Variants in ATRX observed in about 807,000 individuals in gnomAD.
ATRX encodes chromatin remodeler ATRX.
Under a neutral mutation model 172.6 loss-of-function variants are expected in ATRX, and 12 were observed. The ratio of observed to expected loss-of-function variants is 0.07; its 90% CI spans 0.04 to 0.11. ATRX has a LOEUF of 0.11. Ranked by LOEUF, ATRX falls within the 10% of genes least tolerant of loss-of-function variation. ATRX has a pLI of 1.00. For missense variants in ATRX, 1,368 were observed against 1,767.4 expected (o/e 0.77, Z 4.05); for synonymous variants, 674 against 594.7 (o/e 1.13, Z -1.94).
At chrX:77,779,236 C>A (rs2076485089) in intron 1 of ATRX, among the ~76,000 whole-genome samples, 1 of 107,832 alleles carries the variant, frequency 9.3e-6, no homozygotes, top group African/African-American at 3.4e-5. Context: ...AGCCACGGCG[C>A]CCGGCTCAAA....
intron 1 of ATRX, among the ~76,000 whole-genome samples, chrX:77,755,256 C>T (rs2075447021): frequency 8.9e-6 from 1 of 112,240 alleles, no homozygotes; most frequent in Admixed American, 9.4e-5. Context: ...AGTTCCTTGG[C>T]TTCCTTCCAT....
At chrX:77,726,211 C>T (rs1400910300) in intron 1 of ATRX, among the ~76,000 whole-genome samples, 2 of 110,605 alleles carry the variant, frequency 1.8e-5, no homozygotes, top group Non-Finnish European at 3.8e-5. Flanking sequence ...TAGCAAAGAC[C>T]TGGAACCAAC....
intron 31 of ATRX, among the ~76,000 whole-genome samples, chrX:77,522,717 AAG>A (rs2063270614): frequency 8.9e-6 from 1 of 111,987 alleles, no homozygotes; most frequent in African/African-American, 3.2e-5. Context: ...GTATTAGGAT[AAG>A]GTTTCCCATG....
In ATRX at chrX:77,644,521, A is replaced by G. The variant is rs140285174; in HGVS notation, c.4557+7593T>C. Among the ~76,000 whole-genome samples the G allele has an allele frequency of 2.5e-3, 276 of 111,721 alleles. 2 individuals are homozygous for G. The highest frequency in any genetic ancestry group is 8.5e-3 in the African/African-American group (262 of 30,762). On this transcript the variant is annotated intron_variant, in intron 15 of 34. Coordinates refer to ENST00000373344, the MANE Select transcript of ATRX (RefSeq NM_000489.6). Reference sequence around the variant, plus strand: ...TGGGTGCAGCAAACCAACATGGCACATGTATACCTATGTAACAAACCTGCA... The same window carrying G: ...TGGGTGCAGCAAACCAACATGGCACGTGTATACCTATGTAACAAACCTGCA...
rs782009496 is a variant in ATRX at position 77,633,196 on chromosome X, T to TATA, written c.5134+10_5134+11insTAT. The TATA allele has an allele frequency of 3.3e-6, 4 of 1,203,816 alleles. No individual in the cohort carries two copies. Among genetic ancestry groups the TATA allele is most frequent in the Non-Finnish European group, 4.5e-6 (4 of 888,119 alleles). On this transcript the variant is annotated intron_variant, in intron 19 of 34. Transcript: ENST00000373344. ...CTTGCTTCTTTATGTCACTGTCTAT[T>TATA]AATACCTTACCTGGATCAACCAAAG...
In ATRX at chrX:77,620,173, A is replaced by G. The variant is rs782175387; in HGVS notation, c.5272+222T>C. 3.6e-5 allele frequency among the ~76,000 whole-genome samples: 4 copies of G among 112,349 alleles called. No individual in the cohort carries two copies. The South Asian group carries it at 1.5e-3, about 41-fold the overall frequency. On this transcript the variant is annotated intron_variant, in intron 20 of 34. Transcript: ENST00000373344. ...ATTCACATTCCATATTTATATATGA[A>G]CATTCACAATAGCGTATCTCTTAAC... is the stretch of plus-strand genomic sequence containing the variant.
chrX:77,746,861 G>A (rs782128154), intron 1 of ATRX, among the ~76,000 whole-genome samples: 33 of 110,987 alleles, frequency 3.0e-4, no homozygotes, highest in African/African-American at 9.2e-4. Flanking sequence ...TTGCAGTGGC[G>A]CGATCTCGGC....
intron 30 of ATRX, among the ~76,000 whole-genome samples, chrX:77,546,189 G>A (rs917463771): frequency 2.7e-5 from 3 of 110,719 alleles, no homozygotes; most frequent in Admixed American, 9.7e-5. Flanking sequence ...TTCAAGCCCC[G>A]GTGCCACCAC....
intron 1 of ATRX, among the ~76,000 whole-genome samples, chrX:77,784,993 G>C (rs782696746): frequency 1.6e-4 from 18 of 111,285 alleles, no homozygotes; most frequent in African/African-American, 5.9e-4. Flanking sequence ...AAACTGAAAC[G>C]CCAGCCAGCC....
intron 1 of ATRX, among the ~76,000 whole-genome samples, chrX:77,750,803 C>T (rs996440100): frequency 5.6e-4 from 62 of 110,702 alleles, no homozygotes; most frequent in Admixed American, 2.9e-3. Context: ...TACTGTGTTA[C>T]TCTGCTGACA....
chrX:77,783,754 G>A (rs45610232), intron 1 of ATRX, among the ~76,000 whole-genome samples: 3,205 of 111,814 alleles, frequency 0.029, 61 homozygotes, highest in East Asian at 0.085. Context: ...TATGGTTTAG[G>A]AGATCGATGA....
chrX:77,550,954 T>G lies in ATRX; in HGVS notation c.6699+6497A>C, dbSNP rs782337476. ...AGGAGAACTACAAACCACTGCTCAATGAAATAAAAGAGGACACAAACAAAT... is the reference window on the plus strand; with the variant it reads ...AGGAGAACTACAAACCACTGCTCAAGGAAATAAAAGAGGACACAAACAAAT... On this transcript the variant is annotated intron_variant, in intron 30 of 34. Transcript: ENST00000373344. 6.6e-3 allele frequency among the ~76,000 whole-genome samples: 721 copies of G among 109,880 alleles called. 2 individuals are homozygous for G. Among genetic ancestry groups the G allele is most frequent in the African/African-American group, 0.02 (617 of 30,242 alleles).
intron 28 of ATRX, among the ~76,000 whole-genome samples, chrX:77,574,037 T>C (rs1453288876): frequency 2.7e-5 from 3 of 111,066 alleles, no homozygotes; most frequent in Non-Finnish European, 5.7e-5. Flanking sequence ...CAAATAAATC[T>C]CACTAAGTGA....
intron 1 of ATRX, among the ~76,000 whole-genome samples, chrX:77,732,650 T>C (rs1304293649): frequency 1.8e-5 from 2 of 112,263 alleles, no homozygotes; most frequent in Non-Finnish European, 3.8e-5. Flanking sequence ...TGATACATCA[T>C]ATCAACAGAA....
Position 77,682,871 on chromosome X carries a change from G to C in ATRX, c.2385C>G (p.Gly795=), listed in dbSNP as rs1039484052. 1.7e-6 allele frequency: 2 copies of C among 1,206,800 alleles called. No homozygotes were observed. The highest frequency in any genetic ancestry group is 3.5e-5 in the African/African-American group (2 of 56,668). ...AAATTATAGAGCTCTTAGCTGATTTGCCCTTTTTAGTATCAAAATCTGAGC... is the reference window on the plus strand; with the variant it reads ...AAATTATAGAGCTCTTAGCTGATTTCCCCTTTTTAGTATCAAAATCTGAGC... ...TSGSDFDTKK[G]KSAKSSIISK... The change falls in exon 9 of 35, where the codon GGC becomes GGG. Residue 795 remains glycine, a synonymous_variant. Transcript: ENST00000373344.
intron 2 of ATRX, among the ~76,000 whole-genome samples, chrX:77,702,518 A>C (rs1603251111): frequency 8.9e-6 from 1 of 111,830 alleles, no homozygotes; most frequent in East Asian, 2.8e-4. Flanking sequence ...CAAGGACAAT[A>C]AACAAAAATC....
chrX:77,664,805 G>A, intron 10 of ATRX, 27 bp from the exon 11 acceptor site: 1 of 1,166,534 alleles, frequency 8.6e-7, no homozygotes, highest in Non-Finnish European at 1.2e-6. Flanking sequence ...AATAAAAAAA[G>A]AACTATATAT....
intron 2 of ATRX, among the ~76,000 whole-genome samples, chrX:77,701,602 T>G (rs949110533): frequency 3.6e-5 from 4 of 111,528 alleles, no homozygotes; most frequent in African/African-American, 1.3e-4. Flanking sequence ...AATATCATAC[T>G]TAATGGCGAC....
At chrX:77,626,736 G>A (rs1357793352) in intron 19 of ATRX, among the ~76,000 whole-genome samples, 2 of 111,889 alleles carry the variant, frequency 1.8e-5, no homozygotes, top group African/African-American at 6.5e-5. Flanking sequence ...GGATATAAAT[G>A]AAACAATAAT....
Sources: allele counts gnomAD v4.1 joint callset (sites outside exome capture counted in the v4.1 genomes callset), GRCh38; gene constraint gnomAD v4.1.1; transcripts MANE v1.5; gene names NCBI Gene and HGNC (gene_info 2026-07-23, HGNC 2026-07-21).